The following DTD1 variants were observed in gnomAD, a reference collection of about 807,000 sequenced individuals.
DTD1 encodes D-tyrosyl-tRNA deacylase 1 homolog.
In DTD1, 13 loss-of-function variants were observed where a neutral mutation model predicts 25.6. The observed-to-expected ratio is 0.51, with a 90% CI of 0.33 to 0.81. DTD1 has a LOEUF of 0.81. Among genes scored for constraint, DTD1 ranks in the 30% least tolerant of loss-of-function variants. DTD1 has a pLI of 0.02. For synonymous variants in DTD1, 110 were observed against 103.6 expected (o/e 1.06, Z -0.37); for missense variants, 193 against 266.4 (o/e 0.72, Z 1.92).
In DTD1 at chr20:18,744,563, T is replaced by G. The variant is rs959472044; in HGVS notation, c.*19+292T>G. Among the ~76,000 whole-genome samples the G allele has an allele frequency of 7.3e-5, 11 of 150,124 alleles. No homozygotes were observed. In the East Asian group the frequency reaches 9.9e-4, roughly 13 times the overall value. ...AATCATGGTTGAAGGCAAAAGGCAT[T>G]TCTTACATGGCGGCAGGCAAGAGAG... On this transcript the variant is annotated intron_variant, in intron 5 of 5. Coordinates refer to ENST00000377452, the MANE Select transcript of DTD1 (RefSeq NM_080820.6).
Position 18,741,897 on chromosome 20 carries a change from ATTTTTT to A in DTD1, c.478-2186_478-2181del, listed in dbSNP as rs57912866. Among the ~76,000 whole-genome samples the A allele has an allele frequency of 1.8e-4, 16 of 88,726 alleles. 1 individual carries two copies. Among genetic ancestry groups the A allele is most frequent in the Non-Finnish European group, 2.6e-4 (11 of 42,578 alleles). 58.2% of individuals were successfully genotyped at this position (88,726 alleles called of 152,430 possible). A position where few individuals can be genotyped will look rare whatever the true frequency, so the allele number is the denominator to read the frequency against. On this transcript the variant is annotated intron_variant, in intron 4 of 5. Transcript: ENST00000377452. ...GCCACCACGCCTGGCTAACCTTTGT[ATTTTTT>A]TTTTTTTTTTTTTTTTGTAGAGACA...
intron 4 of DTD1, among the ~76,000 whole-genome samples, chr20:18,733,842 T>C (rs1337530693): frequency 6.6e-6 from 1 of 152,232 alleles, no homozygotes; most frequent in African/African-American, 2.4e-5. Flanking sequence ...GTGTGCACTT[T>C]GCTTCATAAT....
At chr20:18,631,545 C>G in intron 4 of DTD1, 1 of 985,506 alleles carries the variant, frequency 1.0e-6, no homozygotes, top group Non-Finnish European at 1.2e-6. Context: ...TTCCTCCCTT[C>G]TGCTCTGCCA....
intron 4 of DTD1, among the ~76,000 whole-genome samples, chr20:18,713,871 G>A: frequency 6.6e-6 from 1 of 152,212 alleles, no homozygotes; most frequent in Admixed American, 6.5e-5. Flanking sequence ...TAGCGTGGTT[G>A]TGGATAGAGT....
At chr20:18,616,945 C>G (rs1419172925) in intron 3 of DTD1, among the ~76,000 whole-genome samples, 1 of 152,206 alleles carries the variant, frequency 6.6e-6, no homozygotes, top group Non-Finnish European at 1.5e-5. Flanking sequence ...GAGATGAGGA[C>G]TGGTCCATTT....
intron 4 of DTD1, among the ~76,000 whole-genome samples, chr20:18,668,097 TGTCA>T (rs1223744695): frequency 6.6e-6 from 1 of 152,208 alleles, no homozygotes; most frequent in Non-Finnish European, 1.5e-5. Flanking sequence ...GTGTTACAAA[TGTCA>T]GTATTTGGTT....
intron 4 of DTD1, among the ~76,000 whole-genome samples, chr20:18,708,152 T>C (rs1290190515): frequency 1.5e-5 from 1 of 65,138 alleles, no homozygotes; most frequent in Non-Finnish European, 3.8e-5. Flanking sequence ...TAGCTAATTA[T>C]TAACATGTGT....
At chr20:18,731,438 A>G (rs2061238847) in intron 4 of DTD1, among the ~76,000 whole-genome samples, 1 of 152,260 alleles carries the variant, frequency 6.6e-6, no homozygotes, top group African/African-American at 2.4e-5. Flanking sequence ...TTATTAAAGT[A>G]TTATGAACAT....
chr20:18,596,748 T>C (rs1190134564), intron 3 of DTD1, among the ~76,000 whole-genome samples: 1 of 151,446 alleles, frequency 6.6e-6, no homozygotes, highest in Admixed American at 6.6e-5. Flanking sequence ...TTTTTCTAAA[T>C]AAAGGCTTTA....
rs1024796483 is a variant in DTD1, at chr20:18,637,724, T to C, written c.477+9491T>C. ...GCTTCCATGGGCAGTTAGCTGATCA[T>C]TTACATTTAAACACACATGGGAAAT... On this transcript the variant is annotated intron_variant, in intron 4 of 5. Transcript: ENST00000377452. 2.0e-5 allele frequency among the ~76,000 whole-genome samples: 3 copies of C among 152,214 alleles called. No homozygotes were observed. In the South Asian group the frequency reaches 6.2e-4, roughly 32 times the overall value.
intron 3 of DTD1, among the ~76,000 whole-genome samples, chr20:18,609,342 G>A (rs1396889144): frequency 6.6e-6 from 1 of 151,576 alleles, no homozygotes; most frequent in Non-Finnish European, 1.5e-5. Flanking sequence ...AGTAGAAATG[G>A]TGTTTCACTA....
chr20:18,593,121 A>G (rs1389326750), intron 1 of DTD1, among the ~76,000 whole-genome samples: 1 of 152,182 alleles, frequency 6.6e-6, no homozygotes, highest in African/African-American at 2.4e-5. Flanking sequence ...GCATGATTGA[A>G]AAATATTTGG....
intron 1 of DTD1, among the ~76,000 whole-genome samples, chr20:18,589,167 A>G (rs2060578834): frequency 6.6e-6 from 1 of 152,160 alleles, no homozygotes; most frequent in South Asian, 2.1e-4. Context: ...CCTGGCCAAC[A>G]TAGAGAAACC....
rs569480562 is a variant in DTD1 at position 18,593,086 on chromosome 20, C to T, written c.44-645C>T. On this transcript the variant is annotated intron_variant, in intron 1 of 5. Transcript: ENST00000377452. ...AATGTTAGGAGTGTGTGCTTAGAGC[C>T]TTTTTTTTTTCAAATGGACAAGATG... is the stretch of plus-strand genomic sequence containing the variant. Among the ~76,000 whole-genome samples, 5 of 145,620 alleles carry T rather than the reference C, an allele frequency of 3.4e-5. No individual in the cohort carries two copies. In the South Asian group the frequency reaches 1.1e-3, roughly 32 times the overall value.
At chr20:18,703,292 C>CT (rs1486932130) in intron 4 of DTD1, among the ~76,000 whole-genome samples, 2 of 152,014 alleles carry the variant, frequency 1.3e-5, no homozygotes, top group Non-Finnish European at 2.9e-5. Context: ...GGGAGCTTTT[C>CT]TTTTTTCCTT....
At chr20:18,657,193 C>T (rs1393462434) in intron 4 of DTD1, among the ~76,000 whole-genome samples, 2 of 152,146 alleles carry the variant, frequency 1.3e-5, no homozygotes, top group Admixed American at 1.3e-4. Flanking sequence ...TCTTTGGTCA[C>T]GGGGACCCCT....
At chr20:18,738,840 A>T (rs542861762) in intron 4 of DTD1, among the ~76,000 whole-genome samples, 1 of 152,226 alleles carries the variant, frequency 6.6e-6, no homozygotes, top group Non-Finnish European at 1.5e-5. Context: ...TTCAACTACT[A>T]TCAGGTTATT....
At chr20:18,621,285 G>A (rs1238463960) in intron 3 of DTD1, among the ~76,000 whole-genome samples, 1 of 152,116 alleles carries the variant, frequency 6.6e-6, no homozygotes, top group East Asian at 1.9e-4. Flanking sequence ...TTAAAGTTAG[G>A]CATTTTTGGC....
chr20:18,744,265 A>G lies in DTD1; in HGVS notation c.*13A>G, dbSNP rs2061290962. 1.9e-6 allele frequency: 3 copies of G among 1,611,112 alleles called. No individual in the cohort carries two copies. The East Asian group carries it at 6.7e-5, about 36-fold the overall frequency. ...ACGGGAGCCGTAGCTCAGGAGGCAG[A>G]ATTCAGGTAGGAGTTTCCCTGCTTG... On this transcript the variant is annotated 3_prime_UTR_variant, in exon 5 of 6. Coordinates refer to ENST00000377452, the MANE Select transcript of DTD1 (RefSeq NM_080820.6).
Sources: gnomAD v4.1 joint callset for allele counts (sites outside exome capture counted in the v4.1 genomes callset) on GRCh38, gnomAD v4.1.1 for gene constraint, MANE v1.5 for transcripts, NCBI Gene and HGNC (gene_info 2026-07-23, HGNC 2026-07-21) for gene names.